Variants in FAM161A observed in about 807,000 individuals in gnomAD.
FAM161A encodes FAM161 centrosomal protein A, also known as protein FAM161A.
A neutral mutation model predicts 70.9 loss-of-function variants in FAM161A; 57 were observed. The ratio of observed to expected loss-of-function variants is 0.80; its 90% CI spans 0.65 to 1.00. The LOEUF is 1.00. FAM161A is among the 50% of genes least tolerant of loss of function. FAM161A has a pLI of 0.00. For missense variants in FAM161A, 880 were observed against 836.0 expected, an observed-to-expected ratio of 1.05 and a Z score of -0.65; for synonymous variants, 299 against 295.7, an observed-to-expected ratio of 1.01 and a Z score of -0.12.
Position 61,826,378 on chromosome 2 carries a change from T to C in FAM161A, c.*77A>G, listed in dbSNP as rs1430533141. On this transcript the variant is annotated 3_prime_UTR_variant, in exon 7 of 7. Transcript: ENST00000404929. ...CATATCAGAAGCGTCCCCACAGATG[T>C]TCTAAACACAAATGCGGCTGCTGAC... The C allele has an allele frequency of 1.2e-5, 19 of 1,525,300 alleles. No individual in the cohort carries two copies. Among genetic ancestry groups the C allele is most frequent in the Non-Finnish European group, 1.7e-5 (19 of 1,108,420 alleles). 94.5% of individuals were successfully genotyped at this position (1,525,300 alleles called of 1,614,324 possible).
At chr2:61,831,154 T>C (rs1672561781) in intron 5 of FAM161A, among the ~76,000 whole-genome samples, 1 of 151,220 alleles carries the variant, frequency 6.6e-6, no homozygotes, top group Non-Finnish European at 1.5e-5. Flanking sequence ...CAAACAGCAC[T>C]ATAATAAATC....
At chr2:61,805,981 G>A in the FAM161A span, among the ~76,000 whole-genome samples, 1 of 152,164 alleles carries the variant, frequency 6.6e-6, no homozygotes, top group Non-Finnish European at 1.5e-5. Context: ...ACTTTGGGAA[G>A]CCAAGGCAGG....
chr2:61,838,893 T>TTTATTTAC (rs1553354076), intron 3 of FAM161A, among the ~76,000 whole-genome samples, 188 bp from the exon 4 acceptor site: 1 of 103,028 alleles, frequency 9.7e-6, no homozygotes, highest in Admixed American at 8.7e-5. Flanking sequence ...TATTTATTTA[T>TTTATTTAC]TTTTTTTGAG....
At chr2:61,831,056 G>A (rs1450688123) in intron 5 of FAM161A, among the ~76,000 whole-genome samples, 1 of 148,712 alleles carries the variant, frequency 6.7e-6, no homozygotes, top group African/African-American at 2.5e-5. Context: ...AGGTTCCAGT[G>A]AGCTGAGATC....
chr2:61,804,950 G>T, the FAM161A span, among the ~76,000 whole-genome samples: 5 of 151,966 alleles, frequency 3.3e-5, no homozygotes, highest in Non-Finnish European at 7.4e-5. Context: ...GAATCCACTG[G>T]CACCTAGACC....
At chr2:61,840,718 T>C in intron 2 of FAM161A, 137 bp from the exon 3 acceptor site, 3 of 672,636 alleles carry the variant, frequency 4.5e-6, no homozygotes, top group South Asian at 1.8e-5. Context: ...TGGTGTGATA[T>C]CGGCTCACTG....
chr2:61,803,451 T>C, the FAM161A span: 3 of 641,300 alleles, frequency 4.7e-6, no homozygotes, highest in South Asian at 1.6e-5. Context: ...CCAGTGTTGG[T>C]GCTGGCAAAA....
chr2:61,823,312 G>GAC (rs1672247560), downstream of FAM161A, among the ~76,000 whole-genome samples: 2 of 130,210 alleles, frequency 1.5e-5, no homozygotes, highest in South Asian at 5.3e-4. Flanking sequence ...CAGACTGGGC[G>GAC]ACAGAGTGAG....
intron 4 of FAM161A, 172 bp from the exon 5 acceptor site, chr2:61,836,281 C>G (rs1189968043): frequency 8.3e-6 from 5 of 604,100 alleles, no homozygotes; most frequent in Non-Finnish European, 1.5e-5. Context: ...TACCTCGATT[C>G]CTCTTCTATA....
intron 1 of FAM161A, among the ~76,000 whole-genome samples, chr2:61,843,273 G>T (rs1164627842): frequency 6.6e-6 from 1 of 151,966 alleles, no homozygotes; most frequent in African/African-American, 2.4e-5. Context: ...GATTACAGGC[G>T]CACACCACCA....
chr2:61,845,859 T>TG (rs1483801381), intron 1 of FAM161A, among the ~76,000 whole-genome samples: 1 of 151,648 alleles, frequency 6.6e-6, no homozygotes, highest in Non-Finnish European at 1.5e-5. Context: ...GAGGCTGAGG[T>TG]GGGTGGATCA....
chr2:61,829,601 G>A (rs867905446), intron 5 of FAM161A, among the ~76,000 whole-genome samples: 14 of 152,166 alleles, frequency 9.2e-5, no homozygotes, highest in Middle Eastern at 3.2e-3. Context: ...AGACTGCAGA[G>A]AAGAATAAAG....
At position 61,840,270 on chromosome 2, in the gene FAM161A, A is replaced by G; in HGVS notation, c.734T>C (p.Met245Thr). ...TITVPEPFQM[M>T]IREQKKKEES... ...TTCTTTTTTCTTCTGTTCTCTTATC[A>G]TCATTTGAAAAGGCTCCGGTACTGT... The change falls in exon 3 of 7, where the codon ATG becomes ACG. Residue 245 changes from methionine to threonine, a missense_variant. Transcript: ENST00000404929. 1 of 1,613,892 alleles carries G rather than the reference A, an allele frequency of 6.2e-7. No individual in the cohort carries two copies. The highest frequency in any genetic ancestry group is 8.5e-7 in the Non-Finnish European group (1 of 1,179,988).
chr2:61,846,277 A>G (rs1011735458), intron 1 of FAM161A, among the ~76,000 whole-genome samples: 11 of 152,104 alleles, frequency 7.2e-5, no homozygotes, highest in African/African-American at 2.4e-4. Flanking sequence ...AGGAAAACCC[A>G]TAAAGCAGTT....
chr2:61,848,143 TA>T (rs1349086827), intron 1 of FAM161A, among the ~76,000 whole-genome samples: 2 of 152,224 alleles, frequency 1.3e-5, no homozygotes, highest in African/African-American at 4.8e-5. Context: ...TCATGTCTTA[TA>T]GCAGTCATTT....
downstream of FAM161A, among the ~76,000 whole-genome samples, chr2:61,821,758 AT>A (rs1672207658): frequency 6.6e-6 from 1 of 151,502 alleles, no homozygotes; most frequent in Non-Finnish European, 1.5e-5. Context: ...ATTGGATTTT[AT>A]TTTATTTTAT....
the FAM161A span, among the ~76,000 whole-genome samples, chr2:61,805,870 C>T: frequency 1.3e-5 from 2 of 151,994 alleles, no homozygotes; most frequent in Non-Finnish European, 2.9e-5. Context: ...AGTTTGGTTA[C>T]ATATCTTATT....
chr2:61,845,103 C>T (rs1673158052), intron 1 of FAM161A, among the ~76,000 whole-genome samples: 1 of 152,186 alleles, frequency 6.6e-6, no homozygotes, highest in African/African-American at 2.4e-5. Context: ...ACAGAAGTAG[C>T]AGGTGCAGCC....
the FAM161A span, among the ~76,000 whole-genome samples, chr2:61,806,571 T>C: frequency 6.6e-6 from 1 of 152,090 alleles, no homozygotes; most frequent in Non-Finnish European, 1.5e-5. Context: ...GAAACTTTCT[T>C]ATTTAGAGAT....
Sources: allele counts gnomAD v4.1 joint callset (sites outside exome capture counted in the v4.1 genomes callset), GRCh38; gene constraint gnomAD v4.1.1; transcripts MANE v1.5; gene names NCBI Gene and HGNC (gene_info 2026-07-23, HGNC 2026-07-21).